Variants in ZNF618 observed in about 807,000 individuals in gnomAD.
ZNF618 encodes the protein neural precursor cell expressed, developmentally down-regulated 10.
A neutral mutation model predicts 103.0 loss-of-function variants in ZNF618; 34 were observed. The observed-to-expected ratio is 0.33, with a 90% CI of 0.25 to 0.44. The LOEUF (loss-of-function observed/expected upper bound fraction) is 0.44, where lower values mean the gene tolerates loss of function less well. ZNF618 is among the 20% of genes least tolerant of loss of function. The probability of loss-of-function intolerance (pLI) is 1.00; values close to 1 mark genes in which losing one functional copy is unlikely to be tolerated. For synonymous variants in ZNF618, 551 were observed against 542.2 expected, an observed-to-expected ratio of 1.02 and a Z score of -0.23; for missense variants, 1,059 against 1,295.4, an observed-to-expected ratio of 0.82 and a Z score of 2.80.
At chr9:113,949,162 C>T (rs1463750032) in intron 1 of ZNF618, among the ~76,000 whole-genome samples, 1 of 152,206 alleles carries the variant, frequency 6.6e-6, no homozygotes, top group African/African-American at 2.4e-5. Context: ...CATCACCTTG[C>T]GTCTGACTTC....
chr9:113,952,472 G>A (rs1835875921), intron 1 of ZNF618, among the ~76,000 whole-genome samples: 1 of 152,184 alleles, frequency 6.6e-6, no homozygotes. Flanking sequence ...CTCTGACTGT[G>A]ACTCTGAATG....
In ZNF618 at chr9:114,038,668, A is replaced by G. The variant is rs1588432641; in HGVS notation, c.1246+2291A>G. Among the ~76,000 whole-genome samples, 5 of 152,304 alleles carry G rather than the reference A, an allele frequency of 3.3e-5. No homozygotes were observed. In the South Asian group the frequency reaches 8.3e-4, roughly 25 times the overall value. On this transcript the variant is annotated intron_variant, in intron 13 of 14. Transcript: ENST00000374126. ...TGGCGTGCCTTGGTGACGTTGGAGA[A>G]GCATGCTTTGGCAGTAATAATACCA...
chr9:113,911,914 A>G (rs1449535552), intron 1 of ZNF618, among the ~76,000 whole-genome samples: 2 of 152,204 alleles, frequency 1.3e-5, no homozygotes, highest in African/African-American at 4.8e-5. Flanking sequence ...CAGACTTTTC[A>G]ATCTAGAAGG....
chr9:113,980,373 G>A (rs144450334), intron 2 of ZNF618, among the ~76,000 whole-genome samples: 2,346 of 152,042 alleles, frequency 0.015, 42 homozygotes, highest in Non-Finnish European at 0.023. Context: ...TGCAGGTCTG[G>A]AGTTCGGTGG....
chr9:113,956,209 C>CAAAAAAAAA (rs10537910), intron 1 of ZNF618, among the ~76,000 whole-genome samples: 2 of 44,532 alleles, frequency 4.5e-5, no homozygotes, highest in African/African-American at 1.0e-4. Flanking sequence ...AACTCTGTCT[C>CAAAAAAAAA]AAAAAAAAAA....
In ZNF618 at chr9:113,995,721, A is replaced by G. The variant is rs749308518; in HGVS notation, c.338-2538A>G. ...ATCCTCCTCTAATTTTGTTGAGAGC[A>G]GAGAGTTGGAAGTCACCCGATTCAA... On this transcript the variant is annotated intron_variant, in intron 3 of 14. Transcript: ENST00000374126. 3.9e-4 allele frequency among the ~76,000 whole-genome samples: 59 copies of G among 152,144 alleles called. 1 individual carries two copies. Among genetic ancestry groups the G allele is most frequent in the South Asian group, 2.1e-4 (1 of 4,816 alleles).
intron 1 of ZNF618, among the ~76,000 whole-genome samples, chr9:113,949,167 GACT>G (rs1201448893): frequency 6.6e-6 from 1 of 152,238 alleles, no homozygotes; most frequent in Non-Finnish European, 1.5e-5. Context: ...CCTTGCGTCT[GACT>G]TCTGCATTGG....
chr9:113,936,110 A>G (rs368298425), intron 1 of ZNF618, among the ~76,000 whole-genome samples: 11 of 151,954 alleles, frequency 7.2e-5, no homozygotes, highest in African/African-American at 2.4e-4. Flanking sequence ...TCGAGCCTCC[A>G]TGTCCTGTGC....
At chr9:113,924,697 T>C (rs752759579) in intron 1 of ZNF618, among the ~76,000 whole-genome samples, 11 of 151,946 alleles carry the variant, frequency 7.2e-5, no homozygotes, top group Non-Finnish European at 1.0e-4. Context: ...CACTTGCTGC[T>C]TCCCATAAAT....
intron 9 of ZNF618, chr9:114,016,303 C>A: frequency 1.3e-6 from 1 of 741,986 alleles, no homozygotes; most frequent in Non-Finnish European, 2.3e-6. Context: ...GAGGGCAGGG[C>A]TTGCAAAGGG....
chr9:114,008,344 T>G lies in ZNF618; in HGVS notation c.641T>G (p.Val214Gly), dbSNP rs1841938295. 8 of 1,613,684 alleles carry G rather than the reference T, an allele frequency of 5.0e-6. No homozygotes were observed. Among genetic ancestry groups the G allele is most frequent in the Non-Finnish European group, 6.8e-6 (8 of 1,179,834 alleles). ...GCTGCCGCCTCCTGCCCGGGCGCAG[T>G]GTTTAGTGTGGAAGGGGCCCCTGAG... ...QEHRDLHAVDVFSVEGAPENR... is the reference protein window; with the variant it reads ...QEHRDLHAVDGFSVEGAPENR... The change falls in exon 8 of 15, where the codon GTG (valine) becomes GGG (glycine). Residue 214 changes from valine to glycine, a missense_variant and splice_region_variant. This residue lies in a region of ZNF618 where 434 missense variants were observed against 476.0 expected (regional missense o/e 0.91). Coordinates refer to ENST00000374126, the MANE Select transcript of ZNF618 (RefSeq NM_001318042.2).
intron 2 of ZNF618, among the ~76,000 whole-genome samples, chr9:113,970,855 G>C (rs563695075): frequency 6.7e-6 from 1 of 149,230 alleles, no homozygotes; most frequent in South Asian, 2.2e-4. Context: ...CTGTCTCTCT[G>C]AGAATGCCAG....
intron 1 of ZNF618, among the ~76,000 whole-genome samples, chr9:113,964,485 C>T (rs1445390937): frequency 1.1e-4 from 16 of 152,042 alleles, no homozygotes; most frequent in East Asian, 3.9e-4. Flanking sequence ...CCACCCTCAC[C>T]GCTTCCCGGG....
chr9:114,016,236 G>A (rs559165036), intron 9 of ZNF618: 2 of 1,465,918 alleles, frequency 1.4e-6, no homozygotes, highest in East Asian at 2.3e-5. Flanking sequence ...TGGGTGGGGG[G>A]TGCTTGGGGG....
At chr9:114,024,944 A>T (rs1193413774) in intron 10 of ZNF618, among the ~76,000 whole-genome samples, 1 of 152,042 alleles carries the variant, frequency 6.6e-6, no homozygotes, top group African/African-American at 2.4e-5. Context: ...TCCTTTGTTC[A>T]CTGAGATGTT....
intron 10 of ZNF618, among the ~76,000 whole-genome samples, chr9:114,018,468 C>A (rs10982034): frequency 0.29 from 43,980 of 152,226 alleles, 7,833 homozygotes; most frequent in East Asian, 0.6. Flanking sequence ...CAAGGCCAGA[C>A]TATAACCTTG....
Position 114,050,411 on chromosome 9 carries a change from A to G in ZNF618, c.*244A>G. 1 of 431,114 alleles carries G rather than the reference A, an allele frequency of 2.3e-6. No homozygotes were observed. The highest frequency in any genetic ancestry group is 4.1e-6 in the Non-Finnish European group (1 of 244,388). 26.7% of individuals were successfully genotyped at this position (431,114 alleles called of 1,614,324 possible). On this transcript the variant is annotated 3_prime_UTR_variant, in exon 15 of 15. Transcript: ENST00000374126. ...GGGGTGTGGGGGGGTCTCTGTGCTC[A>G]TCTCCATGGCCAGAGAAACTTTGCA... is the stretch of plus-strand genomic sequence containing the variant.
intron 1 of ZNF618, among the ~76,000 whole-genome samples, chr9:113,924,343 T>C (rs1832886961): frequency 6.6e-6 from 1 of 151,928 alleles, no homozygotes; most frequent in Non-Finnish European, 1.5e-5. Flanking sequence ...ATCCTTTTAA[T>C]GTCCATGAGA....
At chr9:114,039,340 G>GTTTTT (rs968810244) in intron 13 of ZNF618, among the ~76,000 whole-genome samples, 4 of 104,746 alleles carry the variant, frequency 3.8e-5, no homozygotes, top group Non-Finnish European at 4.2e-5. Context: ...TTTCTTGTTT[G>GTTTTT]TTTTTTTTTT....
Sources: allele counts gnomAD v4.1 joint callset (sites outside exome capture counted in the v4.1 genomes callset), GRCh38; gene constraint gnomAD v4.1.1; regional missense constraint gnomAD v4.1.1; transcripts MANE v1.5; gene names NCBI Gene and HGNC (gene_info 2026-07-23, HGNC 2026-07-21).